Variants in SNTG1 observed in about 807,000 individuals in gnomAD.
SNTG1 encodes syntrophin gamma 1.
A neutral mutation model predicts 74.7 loss-of-function variants in SNTG1; 39 were observed. The observed-to-expected ratio is 0.52, with a 90% CI of 0.40 to 0.68. SNTG1 has a LOEUF of 0.68. SNTG1 is among the 30% of genes least tolerant of loss of function. SNTG1 has a pLI of 0.00. For missense variants in SNTG1, 685 were observed against 609.5 expected (o/e 1.12, Z -1.30); for synonymous variants, 254 against 217.1 (o/e 1.17, Z -1.49).
intron 1 of SNTG1, among the ~76,000 whole-genome samples, chr8:50,103,851 G>C (rs947927219): frequency 2.6e-5 from 4 of 152,104 alleles, no homozygotes; most frequent in African/African-American, 4.8e-5. Flanking sequence ...CTGTTTATAT[G>C]CTGGATTACA....
At chr8:50,380,070 G>A (rs1031312475) in intron 2 of SNTG1, among the ~76,000 whole-genome samples, 4 of 152,246 alleles carry the variant, frequency 2.6e-5, no homozygotes, top group African/African-American at 9.6e-5. Context: ...GGACGTTTAC[G>A]TTTGGACTCT....
chr8:50,126,411 G>T (rs917444012), intron 1 of SNTG1, among the ~76,000 whole-genome samples: 3 of 151,986 alleles, frequency 2.0e-5, no homozygotes, highest in Non-Finnish European at 2.9e-5. Context: ...ATGTTTTATT[G>T]TAATGTACAT....
At position 50,285,984 on chromosome 8, in the gene SNTG1, A is replaced by G. The variant is rs574616537; in HGVS notation, c.-27-108228A>G. Among the ~76,000 whole-genome samples, 5 of 152,062 alleles carry G rather than the reference A, an allele frequency of 3.3e-5. No homozygotes were observed. The South Asian group carries it at 8.3e-4, about 25-fold the overall frequency. On this transcript the variant is annotated intron_variant, in intron 2 of 18. Coordinates refer to ENST00000642720, the MANE Select transcript of SNTG1 (RefSeq NM_018967.5). Reference sequence around the variant, plus strand: ...TCTATTTCAATATTATGTTTTCACAATTGCCATTTTGTTTTTACCTCACAC... The same window carrying G: ...TCTATTTCAATATTATGTTTTCACAGTTGCCATTTTGTTTTTACCTCACAC...
rs1210522074 is a variant in SNTG1, at chr8:50,277,276, A to AG, written c.-28+104641_-28+104642insG. On this transcript the variant is annotated intron_variant, in intron 2 of 18. Transcript: ENST00000642720. ...AGCAAGACCCTGCCAAAAAAAAAAA[A>AG]AAAAAAAATGAGTTTGTCTTTCACA... 9.8e-3 allele frequency among the ~76,000 whole-genome samples: 1,490 copies of AG among 151,924 alleles called. 66 individuals carry two copies. Among genetic ancestry groups the AG allele is most frequent in the Admixed American group, 0.071 (1,084 of 15,184 alleles).
chr8:50,185,772 AT>A (rs1316906947), intron 2 of SNTG1, among the ~76,000 whole-genome samples: 3 of 150,258 alleles, frequency 2.0e-5, no homozygotes, highest in African/African-American at 4.9e-5. Context: ...CTATGAATTC[AT>A]TTTTTTCTAT....
At chr8:50,230,254 C>G in intron 2 of SNTG1, among the ~76,000 whole-genome samples, 1 of 151,056 alleles carries the variant, frequency 6.6e-6, no homozygotes, top group Middle Eastern at 3.4e-3. Flanking sequence ...TAGAGGAAAT[C>G]AATGAAACAA....
chr8:50,338,774 C>G (rs1467434397), intron 2 of SNTG1, among the ~76,000 whole-genome samples: 1 of 151,822 alleles, frequency 6.6e-6, no homozygotes, highest in East Asian at 1.9e-4. Flanking sequence ...ACCGTATACC[C>G]AAGAAATGTG....
chr8:49,919,284 G>A (rs34707418), intron 1 of SNTG1, among the ~76,000 whole-genome samples: 2 of 152,118 alleles, frequency 1.3e-5, no homozygotes, highest in Non-Finnish European at 2.9e-5. Flanking sequence ...TCTTGAAGTA[G>A]GATGGGCTTT....
At chr8:50,057,298 C>T (rs1232051375) in intron 1 of SNTG1, among the ~76,000 whole-genome samples, 1 of 152,070 alleles carries the variant, frequency 6.6e-6, no homozygotes, top group East Asian at 1.9e-4. Context: ...AACTTAAGCT[C>T]ACAGGTGGAA....
chr8:50,527,303 T>G (rs1325079920), intron 9 of SNTG1, among the ~76,000 whole-genome samples: 1 of 152,170 alleles, frequency 6.6e-6, no homozygotes, highest in African/African-American at 2.4e-5. Context: ...TCTACATTTT[T>G]CACTTGAGGT....
intron 15 of SNTG1, among the ~76,000 whole-genome samples, chr8:50,661,541 A>T (rs2095223327): frequency 1.3e-5 from 2 of 152,088 alleles, no homozygotes; most frequent in African/African-American, 4.8e-5. Flanking sequence ...GTTTACTTGA[A>T]TTTTTTTAAT....
At chr8:50,326,701 G>T (rs2090764559) in intron 2 of SNTG1, among the ~76,000 whole-genome samples, 1 of 147,016 alleles carries the variant, frequency 6.8e-6, no homozygotes. Context: ...ACAGGCTTTT[G>T]CTCTAAGTTT....
At chr8:50,712,823 A>G (rs1002590899) in intron 17 of SNTG1, among the ~76,000 whole-genome samples, 3 of 152,150 alleles carry the variant, frequency 2.0e-5, no homozygotes, top group Non-Finnish European at 4.4e-5. Flanking sequence ...GTCCCCGCAA[A>G]GGACATGAAC....
chr8:50,575,064 ATGTT>A (rs1476506605), intron 12 of SNTG1, among the ~76,000 whole-genome samples: 4 of 151,978 alleles, frequency 2.6e-5, no homozygotes, highest in African/African-American at 9.7e-5. Context: ...CTGTTTGGTC[ATGTT>A]TGTTTGGCAC....
chr8:50,333,876 A>T (rs2091051412), intron 2 of SNTG1, among the ~76,000 whole-genome samples: 6 of 152,242 alleles, frequency 3.9e-5, no homozygotes, highest in Admixed American at 3.9e-4. Flanking sequence ...AAATGAAATC[A>T]AATTGAGCTC....
At chr8:50,681,385 A>G (rs1170298867) in intron 15 of SNTG1, among the ~76,000 whole-genome samples, 3 of 152,136 alleles carry the variant, frequency 2.0e-5, no homozygotes, top group Non-Finnish European at 2.9e-5. Context: ...GAGATACACC[A>G]TGCTCAATCA....
At chr8:50,336,695 T>A (rs2091155896) in intron 2 of SNTG1, among the ~76,000 whole-genome samples, 1 of 152,228 alleles carries the variant, frequency 6.6e-6, no homozygotes, top group African/African-American at 2.4e-5. Flanking sequence ...GCTTAATATG[T>A]AAATGAATGT....
At chr8:50,267,772 T>A (rs2087559166) in intron 2 of SNTG1, among the ~76,000 whole-genome samples, 2 of 152,130 alleles carry the variant, frequency 1.3e-5, no homozygotes, top group African/African-American at 2.4e-5. Flanking sequence ...ATGATAAACA[T>A]CTCATCAATT....
intron 15 of SNTG1, among the ~76,000 whole-genome samples, chr8:50,668,858 A>G (rs1238623370): frequency 6.6e-6 from 1 of 151,848 alleles, no homozygotes; most frequent in East Asian, 1.9e-4. Context: ...TATGTACCAC[A>G]TTTTCTTTAT....
Sources: gnomAD v4.1 joint callset for allele counts (sites outside exome capture counted in the v4.1 genomes callset) on GRCh38, gnomAD v4.1.1 for gene constraint, MANE v1.5 for transcripts, NCBI Gene and HGNC (gene_info 2026-07-23, HGNC 2026-07-21) for gene names.